Variants in RPN2 observed in about 807,000 individuals in gnomAD.
RPN2 encodes dolichyl-diphosphooligosaccharide--protein glycosyltransferase subunit 2.
In RPN2, 29 loss-of-function variants were observed where a neutral mutation model predicts 71.4. The ratio of observed to expected loss-of-function variants is 0.41; its 90% confidence interval spans 0.30 to 0.55. RPN2 has a LOEUF of 0.55. Among genes scored for constraint, RPN2 ranks in the 20% least tolerant of loss-of-function variants. The probability of loss-of-function intolerance (pLI) is 0.35; values close to 1 mark genes in which losing one functional copy is unlikely to be tolerated. For missense variants in RPN2, 726 were observed against 774.1 expected (o/e 0.94, Z 0.74); for synonymous variants, 308 against 305.0 (o/e 1.01, Z -0.10).
Position 37,228,716 on chromosome 20 carries a change from C to T in RPN2, c.1466C>T (p.Thr489Ile). The T allele has an allele frequency of 6.2e-7, 1 of 1,614,230 alleles. No individual in the cohort carries two copies. The highest frequency in any genetic ancestry group is 8.5e-7 in the Non-Finnish European group (1 of 1,180,036). ...YTLYLIIGDA[T>I]LKNPILWNVA... ...CTCTACTTAATCATTGGAGATGCCACTTTGAAGAACCCAATCCTCTGGAAT... is the reference window on the plus strand; with the variant it reads ...CTCTACTTAATCATTGGAGATGCCATTTTGAAGAACCCAATCCTCTGGAAT... The change falls in exon 12 of 17, where the codon ACT (threonine) becomes ATT (isoleucine). Residue 489 changes from threonine (T) to isoleucine (I), a missense_variant. Transcript: ENST00000237530.
intron 16 of RPN2, among the ~76,000 whole-genome samples, chr20:37,240,713 T>C (rs1348831533): frequency 6.6e-6 from 1 of 152,208 alleles, no homozygotes; most frequent in Non-Finnish European, 1.5e-5. Context: ...GTACAGGAGA[T>C]AGGTTCTTAT....
chr20:37,214,162 A>G (rs895422684), intron 9 of RPN2, among the ~76,000 whole-genome samples: 3 of 152,226 alleles, frequency 2.0e-5, no homozygotes, highest in African/African-American at 4.8e-5. Context: ...AAAATCACCC[A>G]TAATTCCACT....
chr20:37,207,216 G>A, intron 6 of RPN2, 57 bp from the exon 7 acceptor site: 1 of 1,406,284 alleles, frequency 7.1e-7, no homozygotes. Flanking sequence ...TACAGCAGTG[G>A]CCCTCCCACC....
intron 2 of RPN2, among the ~76,000 whole-genome samples, chr20:37,198,194 G>A (rs1205421204): frequency 1.3e-5 from 2 of 152,174 alleles, no homozygotes; most frequent in African/African-American, 2.4e-5. Context: ...GGACTCAAGC[G>A]CCTTCAGGCT....
At chr20:37,219,258 T>A (rs1288556584) in intron 9 of RPN2, among the ~76,000 whole-genome samples, 1 of 152,214 alleles carries the variant, frequency 6.6e-6, no homozygotes, top group East Asian at 1.9e-4. Context: ...GATTTCCATT[T>A]CTCTGATAGG....
chr20:37,202,220 A>T (rs893477349), intron 4 of RPN2, among the ~76,000 whole-genome samples: 5 of 152,282 alleles, frequency 3.3e-5, no homozygotes, highest in African/African-American at 1.2e-4. Context: ...TCACGGGCAG[A>T]TGTGTGATTT....
At chr20:37,223,430 T>C (rs964786261) in intron 9 of RPN2, among the ~76,000 whole-genome samples, 1 of 152,188 alleles carries the variant, frequency 6.6e-6, no homozygotes, top group Non-Finnish European at 1.5e-5. Context: ...TGAAAAGCAG[T>C]ACCTTACAGA....
intron 2 of RPN2, among the ~76,000 whole-genome samples, chr20:37,191,930 C>T (rs1187847932): frequency 2.6e-5 from 3 of 115,544 alleles, no homozygotes; most frequent in African/African-American, 6.6e-5. Context: ...CCCCCGATTT[C>T]TGCAAAAAGT....
intron 9 of RPN2, among the ~76,000 whole-genome samples, chr20:37,223,573 C>A (rs2068008617): frequency 6.6e-6 from 1 of 151,984 alleles, no homozygotes; most frequent in African/African-American, 2.4e-5. Flanking sequence ...AGGATTTTTC[C>A]CCTTATTTAT....
At chr20:37,199,410 G>A (rs1193590727) in intron 4 of RPN2, among the ~76,000 whole-genome samples, 185 bp downstream of exon 4, 1 of 152,232 alleles carries the variant, frequency 6.6e-6, no homozygotes, top group Non-Finnish European at 1.5e-5. Flanking sequence ...CCGTGTCCTC[G>A]TGGAGCTCAC....
chr20:37,232,557 C>T (rs1340166287), intron 14 of RPN2, among the ~76,000 whole-genome samples, 166 bp downstream of exon 14: 2 of 152,124 alleles, frequency 1.3e-5, no homozygotes, highest in Non-Finnish European at 2.9e-5. Context: ...CCAAAAGTTC[C>T]CACTGTGGAG....
chr20:37,210,071 C>T lies in RPN2; in HGVS notation c.892C>T (p.Gln298Ter). ...GTTGCAAGTCACCAATGTTCTGTCT[C>T]AGCCTCTGACTCAGGCCACTGTTAA... ...LRLQVTNVLS[Q>*]PLTQATVKLE... Residue 298 changes from glutamine to a stop codon, truncating the protein, a stop_gained, in exon 8 of 17, where the codon CAG becomes TAG. Transcript: ENST00000237530. LOFTEE classifies it high-confidence loss of function. 6.2e-7 allele frequency: 1 copy of T among 1,614,130 alleles called. No homozygotes were observed. The highest frequency in any genetic ancestry group is 8.5e-7 in the Non-Finnish European group (1 of 1,179,994).
intron 4 of RPN2, among the ~76,000 whole-genome samples, chr20:37,202,132 C>T (rs1281215059): frequency 6.6e-6 from 1 of 152,100 alleles, no homozygotes; most frequent in Non-Finnish European, 1.5e-5. Flanking sequence ...TCTCTCATTC[C>T]AAAGAGAAAA....
intron 9 of RPN2, among the ~76,000 whole-genome samples, chr20:37,216,833 C>G (rs2067817775): frequency 6.6e-6 from 1 of 152,074 alleles, no homozygotes; most frequent in Non-Finnish European, 1.5e-5. Flanking sequence ...ATCTGAAGTT[C>G]ATTTTTGTTG....
intron 13 of RPN2, among the ~76,000 whole-genome samples, chr20:37,232,028 A>G (rs2068262203): frequency 6.6e-6 from 1 of 152,130 alleles, no homozygotes; most frequent in Non-Finnish European, 1.5e-5. Context: ...CTGGCCTCTG[A>G]ATGGCAGTGA....
intron 2 of RPN2, among the ~76,000 whole-genome samples, chr20:37,187,684 A>G (rs1382213609): frequency 1.3e-5 from 2 of 151,888 alleles, no homozygotes; most frequent in Non-Finnish European, 2.9e-5. Context: ...CTTGTCACCC[A>G]GGCTGGAGTG....
At chr20:37,229,709 G>A (rs950068749) in intron 12 of RPN2, among the ~76,000 whole-genome samples, 2 of 152,026 alleles carry the variant, frequency 1.3e-5, no homozygotes, top group African/African-American at 4.8e-5. Flanking sequence ...GTACCAGCTG[G>A]GATTTTTGTA....
In RPN2 at chr20:37,219,760, G is replaced by A. The variant is rs2067905924; in HGVS notation, c.1093-4118G>A. ...ATTTTTGTGTATGGTGTGATGTAGGGGGTCCAGTCTTCTTTTGCAGTTGTC... is the reference window on the plus strand; with the variant it reads ...ATTTTTGTGTATGGTGTGATGTAGGAGGTCCAGTCTTCTTTTGCAGTTGTC... On this transcript the variant is annotated intron_variant, in intron 9 of 16. Transcript: ENST00000237530. Among the ~76,000 whole-genome samples, 4 of 152,252 alleles carry A rather than the reference G, an allele frequency of 2.6e-5. 1 individual carries two copies. Among genetic ancestry groups the A allele is most frequent in the Admixed American group, 2.6e-4 (4 of 15,286 alleles).
chr20:37,189,681 C>T (rs2067100639), intron 2 of RPN2, among the ~76,000 whole-genome samples: 1 of 152,194 alleles, frequency 6.6e-6, no homozygotes, highest in Non-Finnish European at 1.5e-5. Flanking sequence ...AGAGTATACC[C>T]ATCAGAGTCA....
Sources: gnomAD v4.1 joint callset for allele counts (sites outside exome capture counted in the v4.1 genomes callset) on GRCh38, gnomAD v4.1.1 for gene constraint, MANE v1.5 for transcripts, NCBI Gene and HGNC (gene_info 2026-07-23, HGNC 2026-07-21) for gene names.